The following SOX5 variants were observed in gnomAD, a reference collection of about 807,000 sequenced individuals.
The protein encoded by SOX5 is SRY-box transcription factor 5, also known as transcription factor SOX-5.
In SOX5, 9 loss-of-function variants were observed where a neutral mutation model predicts 92.0. The ratio of observed to expected loss-of-function variants is 0.10; its 90% CI spans 0.06 to 0.17. The LOEUF (loss-of-function observed/expected upper bound fraction) is 0.17, where lower values mean the gene tolerates loss of function less well. Ranked by LOEUF, SOX5 falls within the 10% of genes least tolerant of loss-of-function variation. The probability of loss-of-function intolerance (pLI) is 1.00; values close to 1 mark genes in which losing one functional copy is unlikely to be tolerated. For missense variants in SOX5, 642 were observed against 944.5 expected (o/e 0.68, Z 4.20); for synonymous variants, 344 against 336.3 (o/e 1.02, Z -0.25).
In SOX5 at chr12:23,663,848, A is replaced by T. The variant is rs1052451959; in HGVS notation, c.931+1596T>A. The stretch of plus-strand genomic sequence containing the variant: ...AGAATGAATATAGTATTTAATTATT[A>T]AAAAAAGTTGGTGTGTCTGGATGAG... On this transcript the variant is annotated intron_variant, in intron 7 of 14. Coordinates refer to ENST00000451604, the MANE Select transcript of SOX5 (RefSeq NM_006940.6). Among the ~76,000 whole-genome samples, 38 of 152,206 alleles carry T rather than the reference A, an allele frequency of 2.5e-4. 1 individual carries two copies. The highest frequency in any genetic ancestry group is 7.5e-4 in the African/African-American group (31 of 41,576).
intron 3 of SOX5, among the ~76,000 whole-genome samples, chr12:23,756,410 G>C (rs775343181): frequency 1.3e-5 from 2 of 151,822 alleles, no homozygotes; most frequent in Non-Finnish European, 2.9e-5. Context: ...TAGAAAGCAA[G>C]GTGCTGCTTT....
At chr12:24,446,919 C>T (rs1408455781) in intron 1 of SOX5, among the ~76,000 whole-genome samples, 2 of 152,082 alleles carry the variant, frequency 1.3e-5, no homozygotes, top group African/African-American at 4.8e-5. Context: ...TGAAGGAGCT[C>T]CCAATGGCCA....
chr12:23,847,373 CTATT>C (rs1455464130), intron 2 of SOX5, among the ~76,000 whole-genome samples: 2 of 152,056 alleles, frequency 1.3e-5, no homozygotes, highest in Non-Finnish European at 2.9e-5. Context: ...TCTTCTCTAC[CTATT>C]TGAGACACAG....
At chr12:24,140,321 G>A (rs1950473179) in intron 4 of SOX5, among the ~76,000 whole-genome samples, 1 of 152,088 alleles carries the variant, frequency 6.6e-6, no homozygotes, top group Non-Finnish European at 1.5e-5. Context: ...GGAAGGATAA[G>A]TGAATGGACC....
intron 4 of SOX5, among the ~76,000 whole-genome samples, chr12:23,979,719 T>G (rs1258308782): frequency 1.2e-4 from 14 of 116,784 alleles, no homozygotes; most frequent in East Asian, 5.5e-4. Flanking sequence ...TTTTTTTTTT[T>G]TTTTTTTTTT....
At chr12:23,564,228 A>T in intron 10 of SOX5, among the ~76,000 whole-genome samples, 1 of 152,284 alleles carries the variant, frequency 6.6e-6, no homozygotes, top group South Asian at 2.1e-4. Flanking sequence ...TTTTTACTTA[A>T]TTTTATTTTT....
chr12:23,982,509 C>T (rs1220046438), intron 4 of SOX5, among the ~76,000 whole-genome samples: 7 of 152,150 alleles, frequency 4.6e-5, no homozygotes, highest in African/African-American at 1.7e-4. Context: ...ACACTGGTCA[C>T]TCATTCTGAG....
chr12:24,296,930 GACACACACACAC>G (rs34848004), intron 2 of SOX5, among the ~76,000 whole-genome samples: 2 of 148,088 alleles, frequency 1.4e-5, no homozygotes, highest in Admixed American at 1.3e-4. Flanking sequence ...TAGACAGACA[GACACACACACAC>G]ACACACACAC....
chr12:23,718,010 T>G (rs2092606915), intron 6 of SOX5, among the ~76,000 whole-genome samples: 1 of 152,202 alleles, frequency 6.6e-6, no homozygotes, highest in South Asian at 2.1e-4. Flanking sequence ...AAAAAAATTC[T>G]TAAACAGGTT....
chr12:24,479,947 T>G (rs1307562555), intron 1 of SOX5, among the ~76,000 whole-genome samples: 1 of 152,196 alleles, frequency 6.6e-6, no homozygotes, highest in Non-Finnish European at 1.5e-5. Flanking sequence ...ATTAAAGGCA[T>G]GAGCCACTGT....
chr12:24,146,648 AAATC>A (rs1302059601), intron 4 of SOX5, among the ~76,000 whole-genome samples: 1 of 151,960 alleles, frequency 6.6e-6, no homozygotes, highest in Non-Finnish European at 1.5e-5. Context: ...AAAAATTAAA[AAATC>A]AATAGAGAAA....
chr12:24,090,891 C>T (rs191474807), intron 4 of SOX5, among the ~76,000 whole-genome samples: 4 of 152,256 alleles, frequency 2.6e-5, no homozygotes, highest in Admixed American at 2.0e-4. Flanking sequence ...TCACAGAGCA[C>T]CTGACAATCA....
intron 2 of SOX5, among the ~76,000 whole-genome samples, chr12:24,356,305 T>G (rs1309586111): frequency 6.6e-6 from 1 of 152,200 alleles, no homozygotes; most frequent in African/African-American, 2.4e-5. Context: ...CCAGCACATC[T>G]GGCTTTAGTA....
chr12:23,971,638 T>A (rs1591938389), intron 4 of SOX5, among the ~76,000 whole-genome samples: 1 of 151,648 alleles, frequency 6.6e-6, no homozygotes, highest in East Asian at 1.9e-4. Flanking sequence ...AAATGAAATA[T>A]GTATATATCA....
chr12:24,433,784 G>C (rs940236584), intron 1 of SOX5, among the ~76,000 whole-genome samples: 6 of 152,172 alleles, frequency 3.9e-5, no homozygotes, highest in African/African-American at 1.4e-4. Flanking sequence ...GATCTGTATA[G>C]ATCCCAGAGT....
At chr12:24,095,122 C>CAGAGAGAGAGAGAG (rs1375437943) in intron 4 of SOX5, among the ~76,000 whole-genome samples, 2,302 of 93,108 alleles carry the variant, frequency 0.025, 23 homozygotes, top group African/African-American at 0.042. Context: ...CACACACACA[C>CAGAGAGAGAGAGAG]ACACACAGAG....
chr12:24,295,454 G>A (rs959660703), intron 2 of SOX5, among the ~76,000 whole-genome samples: 4 of 152,226 alleles, frequency 2.6e-5, no homozygotes, highest in African/African-American at 9.6e-5. Flanking sequence ...ATGCACTGTG[G>A]ACGGAAGTGC....
At chr12:24,371,362 A>G (rs931490967) in intron 1 of SOX5, among the ~76,000 whole-genome samples, 1 of 152,242 alleles carries the variant, frequency 6.6e-6, no homozygotes, top group African/African-American at 2.4e-5. Context: ...GCTACAGACA[A>G]AAACTCAGCC....
chr12:23,707,957 C>A (rs954975261), intron 6 of SOX5, among the ~76,000 whole-genome samples: 1 of 151,924 alleles, frequency 6.6e-6, no homozygotes, highest in African/African-American at 2.4e-5. Flanking sequence ...TCAACTGATG[C>A]CTTTATGGAG....
Sources: gnomAD v4.1 joint callset for allele counts (sites outside exome capture counted in the v4.1 genomes callset) on GRCh38, gnomAD v4.1.1 for gene constraint, MANE v1.5 for transcripts, NCBI Gene and HGNC (gene_info 2026-07-23, HGNC 2026-07-21) for gene names.